CD96: variants seen among roughly 807,000 people sequenced by gnomAD.
CD96 encodes CD96 molecule.
CD96 carries 70 observed loss-of-function variants against 71.3 expected under a neutral mutation model. That is an observed-to-expected ratio of 0.98 (90% CI 0.81 to 1.20). The LOEUF is 1.20. Ranked by LOEUF, CD96 falls within the 50% of genes most tolerant of loss-of-function variation. The probability of loss-of-function intolerance (pLI) is 0.00; values close to 1 mark genes in which losing one functional copy is unlikely to be tolerated. For synonymous variants in CD96, 248 were observed against 233.0 expected (o/e 1.06, Z -0.59); for missense variants, 742 against 677.5 (o/e 1.10, Z -1.06).
chr3:111,620,742 G>C (rs1383521761), intron 8 of CD96, among the ~76,000 whole-genome samples: 1 of 152,166 alleles, frequency 6.6e-6, no homozygotes, highest in African/African-American at 2.4e-5. Context: ...CCACAGCACT[G>C]TGTGTGAGAA....
chr3:111,555,619 T>G (rs932957877), intron 2 of CD96, among the ~76,000 whole-genome samples: 2 of 152,304 alleles, frequency 1.3e-5, no homozygotes, highest in Non-Finnish European at 2.9e-5. Context: ...GTTTGGTTGG[T>G]TGGTTTTTGC....
At chr3:111,579,524 GA>G in intron 4 of CD96, 3 of 443,242 alleles carry the variant, frequency 6.8e-6, no homozygotes, top group Non-Finnish European at 1.3e-5. Context: ...AATTTGTAAA[GA>G]AAAGGAATTT....
chr3:111,546,454 C>A (rs763697263), intron 2 of CD96, among the ~76,000 whole-genome samples: 2 of 152,192 alleles, frequency 1.3e-5, no homozygotes, highest in East Asian at 3.8e-4. Flanking sequence ...GATTTAAGTT[C>A]TAGCTCCTTT....
At chr3:111,643,735 CAAAAA>C (rs56078551) in intron 12 of CD96, among the ~76,000 whole-genome samples, 2 of 128,242 alleles carry the variant, frequency 1.6e-5, no homozygotes, top group Admixed American at 7.8e-5. Context: ...ACAATAGCTG[CAAAAA>C]AAAAAAAAAA....
At chr3:111,563,263 G>A (rs1935545692) in intron 2 of CD96, among the ~76,000 whole-genome samples, 1 of 152,158 alleles carries the variant, frequency 6.6e-6, no homozygotes, top group Admixed American at 6.5e-5. Flanking sequence ...CTCCAGATGG[G>A]AATACAAACC....
intron 12 of CD96, among the ~76,000 whole-genome samples, chr3:111,643,594 G>C (rs536853295): frequency 6.6e-6 from 1 of 152,172 alleles, no homozygotes; most frequent in East Asian, 1.9e-4. Context: ...GACTCCTCTA[G>C]AAAGCTCCTA....
chr3:111,614,368 C>T (rs974420104), intron 8 of CD96, among the ~76,000 whole-genome samples: 1 of 152,128 alleles, frequency 6.6e-6, no homozygotes, highest in Non-Finnish European at 1.5e-5. Context: ...AAGGAAGGAA[C>T]TTCCTTAATA....
intron 3 of CD96, among the ~76,000 whole-genome samples, chr3:111,578,015 TG>T (rs1376373185): frequency 6.6e-6 from 1 of 152,208 alleles, no homozygotes; most frequent in Non-Finnish European, 1.5e-5. Context: ...GTCCTAGCTA[TG>T]GCCTTATCCC....
intron 10 of CD96, among the ~76,000 whole-genome samples, chr3:111,636,346 A>T (rs371613987): frequency 5.3e-5 from 8 of 152,210 alleles, no homozygotes; most frequent in African/African-American, 1.9e-4. Flanking sequence ...GATTTTGCTC[A>T]CTTGATTTGG....
chr3:111,543,156 A>G (rs1934195383), intron 1 of CD96, among the ~76,000 whole-genome samples: 1 of 152,182 alleles, frequency 6.6e-6, no homozygotes, highest in Non-Finnish European at 1.5e-5. Context: ...CCCATTTGTC[A>G]AGTACTTTTA....
intron 8 of CD96, among the ~76,000 whole-genome samples, chr3:111,619,938 C>A (rs139206248): frequency 6.6e-6 from 1 of 152,220 alleles, no homozygotes; most frequent in African/African-American, 2.4e-5. Context: ...TGGCAGGTAA[C>A]GCCCCACCTA....
intron 11 of CD96, 42 bp downstream of exon 11, chr3:111,637,303 T>A (rs764718869): frequency 9.3e-6 from 10 of 1,080,602 alleles, no homozygotes; most frequent in Non-Finnish European, 1.0e-5. Flanking sequence ...AAGCTAGTGG[T>A]CAGCTTTATT....
chr3:111,578,778 A>T (rs1358598112), intron 3 of CD96, among the ~76,000 whole-genome samples: 2 of 152,218 alleles, frequency 1.3e-5, no homozygotes, highest in African/African-American at 4.8e-5. Flanking sequence ...TTCATAGAAG[A>T]TTATGAAGGA....
intron 14 of CD96, among the ~76,000 whole-genome samples, chr3:111,662,917 C>A (rs2107821266): frequency 6.6e-6 from 1 of 152,322 alleles, no homozygotes; most frequent in South Asian, 2.1e-4. Context: ...ATCTTTATAG[C>A]AATGCCCCAC....
At chr3:111,572,750 C>T (rs1272328913) in intron 3 of CD96, among the ~76,000 whole-genome samples, 1 of 152,136 alleles carries the variant, frequency 6.6e-6, no homozygotes, top group Non-Finnish European at 1.5e-5. Flanking sequence ...GTGATGTCTT[C>T]CTGTTTGTGG....
chr3:111,565,651 G>A (rs976772909), intron 2 of CD96, among the ~76,000 whole-genome samples: 1 of 151,978 alleles, frequency 6.6e-6, no homozygotes, highest in Non-Finnish European at 1.5e-5. Flanking sequence ...ACTCCATTTG[G>A]AAGTGCTGTG....
At chr3:111,593,652 C>A in intron 5 of CD96, 2 of 1,607,002 alleles carry the variant, frequency 1.2e-6, no homozygotes, top group South Asian at 1.1e-5. Context: ...GCCCTTTCCA[C>A]CTCCTCCAGG....
intron 2 of CD96, among the ~76,000 whole-genome samples, chr3:111,552,448 C>T (rs1470163815): frequency 1.3e-5 from 2 of 152,224 alleles, no homozygotes; most frequent in South Asian, 2.1e-4. Flanking sequence ...GCCTCAAGAA[C>T]TGAGATAAAC....
chr3:111,571,218 TG>T (rs908522068), intron 3 of CD96, among the ~76,000 whole-genome samples: 5 of 53,770 alleles, frequency 9.3e-5, no homozygotes, highest in South Asian at 8.6e-4. Context: ...TTTTGGTTTT[TG>T]GTTTTTTTTT....
Sources: gnomAD v4.1 joint callset for allele counts (sites outside exome capture counted in the v4.1 genomes callset) on GRCh38, gnomAD v4.1.1 for gene constraint, MANE v1.5 for transcripts, NCBI Gene and HGNC (gene_info 2026-07-23, HGNC 2026-07-21) for gene names.